The following ZNF280C variants were observed in gnomAD, a reference collection of about 807,000 sequenced individuals.
ZNF280C encodes zinc finger protein 280C, also known as suppressor of hairy wing homolog 3.
In ZNF280C, 14 loss-of-function variants were observed where a neutral mutation model predicts 53.6. The ratio of observed to expected loss-of-function variants is 0.26; its 90% CI spans 0.17 to 0.41. ZNF280C has a LOEUF of 0.41. Ranked by LOEUF, ZNF280C falls within the 10% of genes least tolerant of loss-of-function variation. The probability of loss-of-function intolerance (pLI) is 1.00; values close to 1 mark genes in which losing one functional copy is unlikely to be tolerated. For missense variants in ZNF280C, 416 were observed against 547.1 expected, an observed-to-expected ratio of 0.76 and a Z score of 2.39; for synonymous variants, 203 against 181.1, an observed-to-expected ratio of 1.12 and a Z score of -0.97.
chrX:130,242,004 G>C (rs1490102543), intron 5 of ZNF280C, among the ~76,000 whole-genome samples: 1 of 95,084 alleles, frequency 1.1e-5, no homozygotes, highest in Non-Finnish European at 2.1e-5. Flanking sequence ...GGAAGCCGGG[G>C]GGGGGCGGGT....
chrX:130,255,141 C>A (rs377559621), intron 2 of ZNF280C, among the ~76,000 whole-genome samples: 4 of 91,160 alleles, frequency 4.4e-5, no homozygotes, highest in Non-Finnish European at 4.4e-5. Context: ...CTTTTTTTTT[C>A]TTTTTTTTTT....
chrX:130,217,418 G>A (rs2032116520), intron 13 of ZNF280C, among the ~76,000 whole-genome samples: 1 of 112,092 alleles, frequency 8.9e-6, no homozygotes, highest in African/African-American at 3.2e-5. Context: ...ACTAAAAGCA[G>A]ACTAAAGTTT....
chrX:130,254,859 G>A (rs1224589035), intron 2 of ZNF280C, among the ~76,000 whole-genome samples: 1 of 109,732 alleles, frequency 9.1e-6, no homozygotes, highest in Non-Finnish European at 1.9e-5. Flanking sequence ...AAACCCCCAA[G>A]ACATGAGTGT....
At position 130,260,481 on chromosome X, in the gene ZNF280C, T is replaced by C. The variant is rs1603246719; in HGVS notation, c.-16-16A>G. The C allele has an allele frequency of 8.6e-7, 1 of 1,162,475 alleles. No homozygotes were observed. The stretch of plus-strand genomic sequence containing the variant: ...GCAAGGTCACCTAAGTACGAACACA[T>C]GACATCAATCAATGTTATGAGTCAC... On this transcript the variant is annotated splice_polypyrimidine_tract_variant and intron_variant, in intron 1 of 18. Coordinates refer to ENST00000370978, the MANE Select transcript of ZNF280C (RefSeq NM_017666.5).
At chrX:130,266,797 T>C (rs2032693391) in intron 1 of ZNF280C, among the ~76,000 whole-genome samples, 1 of 111,964 alleles carries the variant, frequency 8.9e-6, no homozygotes, top group Non-Finnish European at 1.9e-5. Flanking sequence ...TAGACGTATA[T>C]ATTTGATTCA....
intron 2 of ZNF280C, among the ~76,000 whole-genome samples, chrX:130,248,024 C>T (rs187219740): frequency 7.7e-4 from 81 of 105,502 alleles, no homozygotes; most frequent in African/African-American, 2.8e-3. Flanking sequence ...ACAACCAATG[C>T]GTACCAGAAA....
At chrX:130,236,367 A>G in intron 7 of ZNF280C, 47 bp from the exon 8 acceptor site, 2 of 1,123,082 alleles carry the variant, frequency 1.8e-6, no homozygotes, top group Non-Finnish European at 2.4e-6. Context: ...TCTTTTTAAA[A>G]CCTTAAATGA....
intron 13 of ZNF280C, among the ~76,000 whole-genome samples, chrX:130,217,008 A>C (rs1046445178): frequency 8.1e-5 from 9 of 111,686 alleles, no homozygotes; most frequent in Admixed American, 7.6e-4. Context: ...TCAAAAACAA[A>C]ACAAAACAAA....
Position 130,236,607 on chromosome X carries a change from G to C in ZNF280C, c.526C>G (p.Pro176Ala). 1 of 1,190,108 alleles carries C rather than the reference G, an allele frequency of 8.4e-7. No homozygotes were observed. Residue 176 changes from proline to alanine, a missense_variant, in exon 7 of 19, where the codon CCT becomes GCT. Pro to Ala is a conservative substitution (Grantham distance 27). Transcript: ENST00000370978. ...ACACTGTTTACTTTAGAAGTAGAAG[G>C]ATGTTTCAACACATATGAAGTATTT... is the stretch of plus-strand genomic sequence containing the variant. Reference protein sequence around the residue: ...MKNTSYVLKHPSTSKVNSVTP... With the variant: ...MKNTSYVLKHASTSKVNSVTP...
At chrX:130,252,025 A>AATCG (rs1744987831) in intron 2 of ZNF280C, among the ~76,000 whole-genome samples, 1 of 111,859 alleles carries the variant, frequency 8.9e-6, no homozygotes, top group Non-Finnish European at 1.9e-5. Context: ...GGGGCAGGGG[A>AATCG]ATCGCTTGAA....
intron 6 of ZNF280C, among the ~76,000 whole-genome samples, 153 bp from the exon 7 acceptor site, chrX:130,236,792 C>G (rs2032339784): frequency 9.0e-6 from 1 of 111,295 alleles, no homozygotes; most frequent in Admixed American, 9.7e-5. Context: ...ATAAGCATAT[C>G]ATACAAATGA....
intron 12 of ZNF280C, among the ~76,000 whole-genome samples, chrX:130,221,885 T>C (rs2032167947): frequency 9.0e-6 from 1 of 111,197 alleles, no homozygotes; most frequent in African/African-American, 3.3e-5. Context: ...ACCCTCCAAA[T>C]GGCTTTCCGT....
chrX:130,248,994 G>A (rs1411423145), intron 2 of ZNF280C, among the ~76,000 whole-genome samples: 2 of 111,661 alleles, frequency 1.8e-5, no homozygotes, highest in African/African-American at 6.5e-5. Context: ...TGTAGTCGGA[G>A]CCTTGGTGAG....
At chrX:130,252,481 G>T (rs781126859) in intron 2 of ZNF280C, among the ~76,000 whole-genome samples, 2 of 111,500 alleles carry the variant, frequency 1.8e-5, no homozygotes, top group Admixed American at 9.5e-5. Context: ...CAGCATTCTG[G>T]GAGGCCGAGG....
chrX:130,252,879 C>T (rs761145570), intron 2 of ZNF280C, among the ~76,000 whole-genome samples: 2 of 111,794 alleles, frequency 1.8e-5, no homozygotes, highest in Admixed American at 9.5e-5. Flanking sequence ...TCTCTCTCAC[C>T]GTTCCTATTC....
Position 130,215,321 on chromosome X carries a change from T to G in ZNF280C, c.1851A>C (p.Gly617=), listed in dbSNP as rs209238. The G allele has an allele frequency of 0.43, 507,193 of 1,189,339 alleles. 75,830 individuals are homozygous for G. The highest frequency in any genetic ancestry group is 0.69 in the African/African-American group (38,394 of 55,552). Residue 617 remains glycine (G), a synonymous_variant, in exon 15 of 19, where the codon GGA becomes GGC. Transcript: ENST00000370978. The part of the protein sequence containing the change: ...LALKNIRCRR[G]IHKCIECHSK... ...AATGACATTCAATGCACTTGTGAAT[T>G]CCCCGACGACACCTTATGGAGACGG...
intron 2 of ZNF280C, among the ~76,000 whole-genome samples, chrX:130,254,867 T>G (rs377416686): frequency 9.5e-6 from 1 of 105,147 alleles, no homozygotes; most frequent in African/African-American, 3.5e-5. Context: ...AAGACATGAG[T>G]GTACCCATAA....
chrX:130,218,230 T>C (rs1278077204), intron 13 of ZNF280C, among the ~76,000 whole-genome samples: 1 of 111,364 alleles, frequency 9.0e-6, no homozygotes, highest in African/African-American at 3.3e-5. Flanking sequence ...CAAAATGTAA[T>C]ATAGAGGTCT....
At position 130,236,530 on chromosome X, in the gene ZNF280C, G is replaced by A. The variant is rs1289293380; in HGVS notation, c.603C>T (p.Ser201=). The A allele has an allele frequency of 1.7e-6, 2 of 1,207,043 alleles. No individual in the cohort carries two copies. The highest frequency in any genetic ancestry group is 3.0e-5 in the East Asian group (1 of 33,628). Residue 201 remains serine (S), a synonymous_variant, in exon 7 of 19, where the codon TCC becomes TCT. Coordinates refer to ENST00000370978, the MANE Select transcript of ZNF280C (RefSeq NM_017666.5). ...GAGAGCCAATTAAAGGCAATGAAGT[G>A]GAGGGATTTATCTGAGGAACATCTT... ...TSEDVPQINP[S]TSLPLIGSPP...
Sources: gnomAD v4.1 joint callset for allele counts (sites outside exome capture counted in the v4.1 genomes callset) on GRCh38, gnomAD v4.1.1 for gene constraint, MANE v1.5 for transcripts, NCBI Gene and HGNC (gene_info 2026-07-23, HGNC 2026-07-21) for gene names.